MDGA2: variants seen among roughly 807,000 people sequenced by gnomAD.
MDGA2 encodes MAM domain-containing glycosylphosphatidylinositol anchor protein 2.
A neutral mutation model predicts 117.8 loss-of-function variants in MDGA2; 40 were observed. That is an observed-to-expected ratio of 0.34 (90% CI 0.26 to 0.44). The LOEUF (loss-of-function observed/expected upper bound fraction) is 0.44, where lower values mean the gene tolerates loss of function less well. MDGA2 is among the 20% of genes least tolerant of loss of function. The pLI, the probability that MDGA2 is intolerant of heterozygous loss-of-function variation, is 1.00. For synonymous variants in MDGA2, 452 were observed against 439.0 expected (o/e 1.03, Z -0.37); for missense variants, 1,123 against 1,250.6 (o/e 0.90, Z 1.54).
At chr14:47,201,954 G>A (rs534835256) in intron 3 of MDGA2, among the ~76,000 whole-genome samples, 12 of 152,258 alleles carry the variant, frequency 7.9e-5, no homozygotes, top group Admixed American at 6.5e-4. Context: ...GCTATGAGAT[G>A]TTATTTTATT....
chr14:47,585,096 G>A (rs1288722508), intron 1 of MDGA2, among the ~76,000 whole-genome samples: 2 of 151,832 alleles, frequency 1.3e-5, no homozygotes, highest in Non-Finnish European at 2.9e-5. Context: ...ATACAGGAGT[G>A]TCTATTCCTG....
intron 1 of MDGA2, among the ~76,000 whole-genome samples, chr14:47,625,918 C>T (rs2138938071): frequency 6.6e-6 from 1 of 152,296 alleles, no homozygotes; most frequent in Non-Finnish European, 1.5e-5. Context: ...TGTTCTTTTG[C>T]TATCTTTATA....
intron 3 of MDGA2, among the ~76,000 whole-genome samples, chr14:47,199,566 T>C (rs938006840): frequency 2.0e-5 from 3 of 152,150 alleles, no homozygotes; most frequent in African/African-American, 2.4e-5. Context: ...TTCAAAGTGA[T>C]TGTTGCTCTG....
intron 1 of MDGA2, among the ~76,000 whole-genome samples, chr14:47,457,812 G>GTTTTTTTTTTTTTTTTT (rs34337535): frequency 3.5e-5 from 5 of 143,650 alleles, no homozygotes; most frequent in African/African-American, 5.1e-5. Flanking sequence ...ATTTTTTTCT[G>GTTTTTTTTTTTTTTTTT]TTTTTTTTTT....
chr14:47,064,982 G>A (rs1193757515), intron 6 of MDGA2, among the ~76,000 whole-genome samples: 1 of 152,078 alleles, frequency 6.6e-6, no homozygotes, highest in Non-Finnish European at 1.5e-5. Flanking sequence ...AAGGATAGCA[G>A]AAATCCCTTT....
intron 7 of MDGA2, among the ~76,000 whole-genome samples, chr14:47,037,469 G>A (rs1888897576): frequency 1.3e-5 from 2 of 152,172 alleles, no homozygotes; most frequent in Non-Finnish European, 2.9e-5. Context: ...TAACTTTTGA[G>A]CGTTAGCAAT....
Position 47,253,413 on chromosome 14 carries a change from A to G in MDGA2, c.421-35218T>C, listed in dbSNP as rs138848712. ...TGGGTAAATACACCAGTTCCAAATG[A>G]AAGAAATTGGCCAAGACAAACGGGC... On this transcript the variant is annotated intron_variant, in intron 2 of 16. Transcript: ENST00000399232. 9.9e-3 allele frequency among the ~76,000 whole-genome samples: 1,502 copies of G among 152,328 alleles called. 17 individuals carry two copies. The highest frequency in any genetic ancestry group is 0.016 in the Non-Finnish European group (1,074 of 68,024).
Position 47,500,284 on chromosome 14 carries a change from G to A in MDGA2, c.280+174233C>T, listed in dbSNP as rs540735235. 5.9e-5 allele frequency among the ~76,000 whole-genome samples: 9 copies of A among 152,160 alleles called. No individual in the cohort carries two copies. The East Asian group carries it at 1.7e-3, about 29-fold the overall frequency. ...ATTTAGAGGCCTCAGCCCGTAACAG[G>A]AATTCTTTCCCTATTTAGGTTATTT... is the stretch of plus-strand genomic sequence containing the variant. On this transcript the variant is annotated intron_variant, in intron 1 of 16. Coordinates refer to ENST00000399232, the MANE Select transcript of MDGA2 (RefSeq NM_001113498.3).
At chr14:47,627,891 G>A (rs774728880) in intron 1 of MDGA2, among the ~76,000 whole-genome samples, 2 of 152,148 alleles carry the variant, frequency 1.3e-5, no homozygotes, top group Non-Finnish European at 2.9e-5. Flanking sequence ...CCCACCAGAA[G>A]GAAGAAACTC....
chr14:47,148,584 T>G (rs1255018678), intron 3 of MDGA2, among the ~76,000 whole-genome samples: 8 of 152,230 alleles, frequency 5.3e-5, no homozygotes, highest in Non-Finnish European at 1.2e-4. Context: ...CAGGTCAATC[T>G]GGATCCTGTG....
intron 1 of MDGA2, among the ~76,000 whole-genome samples, chr14:47,519,244 C>T (rs916292696): frequency 3.3e-5 from 5 of 152,002 alleles, no homozygotes; most frequent in East Asian, 1.9e-4. Flanking sequence ...AAAAACACTA[C>T]CAATTAAAAT....
intron 5 of MDGA2, among the ~76,000 whole-genome samples, chr14:47,115,562 A>G (rs1295722770): frequency 6.6e-6 from 1 of 152,030 alleles, no homozygotes; most frequent in Non-Finnish European, 1.5e-5. Flanking sequence ...TAATTAAATA[A>G]AAAGAGGGGA....
intron 1 of MDGA2, among the ~76,000 whole-genome samples, chr14:47,462,374 C>CA (rs1491560519): frequency 3.1e-5 from 4 of 128,326 alleles, no homozygotes; most frequent in African/African-American, 1.3e-4. Flanking sequence ...AGACTCCGTC[C>CA]CAAAAAAAAA....
intron 8 of MDGA2, among the ~76,000 whole-genome samples, chr14:47,011,297 A>T (rs1383811173): frequency 6.6e-6 from 1 of 151,992 alleles, no homozygotes. Flanking sequence ...ACATTACATA[A>T]ATCTGTGGTT....
intron 4 of MDGA2, among the ~76,000 whole-genome samples, chr14:47,141,141 A>C (rs528149678): frequency 6.6e-6 from 1 of 152,298 alleles, no homozygotes; most frequent in Admixed American, 6.5e-5. Flanking sequence ...AGGACAAAAA[A>C]TAACAAATTC....
At position 47,021,866 on chromosome 14, in the gene MDGA2, C is replaced by G. The variant is rs74473737; in HGVS notation, c.1819+13145G>C. Among the ~76,000 whole-genome samples the G allele has an allele frequency of 3.8e-3, 583 of 152,228 alleles. 7 individuals carry two copies. Among genetic ancestry groups the G allele is most frequent in the African/African-American group, 0.013 (555 of 41,534 alleles). ...TCCAGAGCCAGACTTAGAATCGATA[C>G]TCCATATTTATAGTTCCTTATCATG... On this transcript the variant is annotated intron_variant, in intron 8 of 16. Transcript: ENST00000399232.
chr14:47,048,112 G>C (rs1889329155), intron 7 of MDGA2, among the ~76,000 whole-genome samples: 1 of 151,968 alleles, frequency 6.6e-6, no homozygotes, highest in African/African-American at 2.4e-5. Context: ...GAAATAACGA[G>C]TTTTGGACAT....
intron 3 of MDGA2, among the ~76,000 whole-genome samples, chr14:47,193,961 A>T (rs17118150): frequency 0.064 from 9,749 of 152,244 alleles, 365 homozygotes; most frequent in Non-Finnish European, 0.065. Context: ...AGCTACTAAG[A>T]TCAAAAGCAG....
At chr14:47,229,426 C>T (rs1036357579) in intron 2 of MDGA2, among the ~76,000 whole-genome samples, 55 of 152,146 alleles carry the variant, frequency 3.6e-4, no homozygotes, top group African/African-American at 1.3e-3. Flanking sequence ...AGAATTGATG[C>T]TTATCTTTAG....
Sources: gnomAD v4.1 joint callset for allele counts (sites outside exome capture counted in the v4.1 genomes callset) on GRCh38, gnomAD v4.1.1 for gene constraint, MANE v1.5 for transcripts, NCBI Gene and HGNC (gene_info 2026-07-23, HGNC 2026-07-21) for gene names.